Variants in NRXN1 observed in about 807,000 individuals in gnomAD.
The protein encoded by NRXN1 is neurexin 1, also known as neurexin-1.
NRXN1 carries 39 observed loss-of-function variants against 150.9 expected under a neutral mutation model. The ratio of observed to expected loss-of-function variants is 0.26; its 90% CI spans 0.20 to 0.34. NRXN1 has a LOEUF of 0.34. Among genes scored for constraint, NRXN1 ranks in the 10% least tolerant of loss-of-function variants. NRXN1 has a pLI of 1.00. For missense variants in NRXN1, 1,815 were observed against 1,949.9 expected (o/e 0.93, Z 1.30); for synonymous variants, 924 against 757.0 (o/e 1.22, Z -3.62).
chr2:50,589,161 T>C (rs1161964231), intron 8 of NRXN1: 2 of 152,468 alleles, frequency 1.3e-5, no homozygotes, highest in South Asian at 2.1e-4. Flanking sequence ...GTTAATAATA[T>C]AGTAATGCCA....
At chr2:50,040,452 A>C (rs907062697) in intron 21 of NRXN1, among the ~76,000 whole-genome samples, 6 of 152,054 alleles carry the variant, frequency 3.9e-5, no homozygotes, top group South Asian at 4.1e-4. Flanking sequence ...GCTAATCCTC[A>C]ATTTTCATAT....
In NRXN1 at chr2:50,223,479, C is replaced by T. The variant is rs144627590; in HGVS notation, c.3546+13310G>A. Among the ~76,000 whole-genome samples, 702 of 151,994 alleles carry T rather than the reference C, an allele frequency of 4.6e-3. 5 individuals are homozygous for T. The highest frequency in any genetic ancestry group is 7.5e-3 in the Non-Finnish European group (512 of 67,912). On this transcript the variant is annotated intron_variant, in intron 18 of 22. Coordinates refer to ENST00000401669, the MANE Select transcript of NRXN1 (RefSeq NM_001330078.2). ...CTTCCCACCTTATGAAATATCTTTG[C>T]AATACCTGTTTTTTAAAGATCAAAT...
chr2:50,182,952 A>G (rs1035989408), intron 18 of NRXN1, among the ~76,000 whole-genome samples: 9 of 152,028 alleles, frequency 5.9e-5, no homozygotes, highest in Admixed American at 5.9e-4. Context: ...TCTCACTAGA[A>G]GGCTGTTTAT....
chr2:50,461,141 T>C lies in NRXN1; in HGVS notation c.3364+4301A>G, dbSNP rs72878336. The stretch of plus-strand genomic sequence containing the variant: ...ACAAAGCTGAAGATATTTTTAAATG[T>C]CATGGTAAAAAGTCACAGGGAAGTG... On this transcript the variant is annotated intron_variant, in intron 17 of 22. Transcript: ENST00000401669. Among the ~76,000 whole-genome samples, 176 of 152,156 alleles carry C rather than the reference T, an allele frequency of 1.2e-3. 1 individual carries two copies. The highest frequency in any genetic ancestry group is 3.7e-3 in the African/African-American group (154 of 41,562).
intron 19 of NRXN1, among the ~76,000 whole-genome samples, chr2:50,062,166 T>G (rs561616955): frequency 6.6e-6 from 1 of 152,208 alleles, no homozygotes; most frequent in Non-Finnish European, 1.5e-5. Context: ...CCTATTTGTA[T>G]AGACTGAATG....
At chr2:50,571,244 C>A (rs1670618313) in intron 8 of NRXN1, among the ~76,000 whole-genome samples, 1 of 152,146 alleles carries the variant, frequency 6.6e-6, no homozygotes, top group Non-Finnish European at 1.5e-5. Flanking sequence ...ACCCTAATAG[C>A]TGATTGCTTC....
intron 8 of NRXN1, chr2:50,615,934 T>C (rs895906856): frequency 5.9e-5 from 9 of 152,164 alleles, no homozygotes. Flanking sequence ...AAAATGCAAA[T>C]AATATAAACA....
chr2:50,827,432 G>A (rs1433810028), intron 5 of NRXN1, among the ~76,000 whole-genome samples: 3 of 152,090 alleles, frequency 2.0e-5, no homozygotes, highest in African/African-American at 4.8e-5. Context: ...CTGACACTTA[G>A]TATCCCAAAT....
intron 17 of NRXN1, among the ~76,000 whole-genome samples, chr2:50,365,955 G>C (rs912956432): frequency 2.0e-5 from 3 of 152,130 alleles, no homozygotes; most frequent in Admixed American, 6.6e-5. Flanking sequence ...CTGCAGGTCT[G>C]TAGCCAAGTG....
chr2:50,202,426 A>C (rs1330662796), intron 18 of NRXN1, among the ~76,000 whole-genome samples: 5 of 152,176 alleles, frequency 3.3e-5, no homozygotes. Flanking sequence ...GAATTGCTTG[A>C]ACATGGGAGG....
At chr2:50,900,956 G>A (rs938999145) in intron 5 of NRXN1, among the ~76,000 whole-genome samples, 1 of 152,118 alleles carries the variant, frequency 6.6e-6, no homozygotes, top group African/African-American at 2.4e-5. Context: ...CATGCTGCCA[G>A]TGAAGGCCTT....
chr2:50,423,609 AT>A (rs1035110654), intron 17 of NRXN1, among the ~76,000 whole-genome samples: 1 of 152,154 alleles, frequency 6.6e-6, no homozygotes, highest in African/African-American at 2.4e-5. Context: ...AAAAATCTTT[AT>A]TGATCCCCTA....
At chr2:50,931,382 T>C (rs188164040) in intron 2 of NRXN1, among the ~76,000 whole-genome samples, 2 of 152,258 alleles carry the variant, frequency 1.3e-5, no homozygotes, top group Admixed American at 6.5e-5. Flanking sequence ...ATTAAAAATA[T>C]GACTAAACCA....
chr2:50,112,567 A>G (rs1448305191), intron 18 of NRXN1, among the ~76,000 whole-genome samples: 5 of 152,166 alleles, frequency 3.3e-5, no homozygotes, highest in Admixed American at 6.5e-5. Flanking sequence ...CCTTTGAAAT[A>G]CACTTTTAAA....
chr2:50,538,595 G>A lies in NRXN1; in HGVS notation c.1801C>T (p.Pro601Ser). 6.5e-7 allele frequency: 1 copy of A among 1,549,790 alleles called. No homozygotes were observed. The change falls in exon 10 of 23, where the codon CCT becomes TCT. Residue 601 changes from proline to serine, a missense_variant. By Grantham distance (74) the Pro-to-Ser change is moderately conservative (BLOSUM62 -1). This residue lies in a region of NRXN1 where 638 missense variants were observed against 652.6 expected (regional missense o/e 0.98). Transcript: ENST00000401669. ...VNTLRTPYTAPGESEILDLDD... is the reference protein window; with the variant it reads ...VNTLRTPYTASGESEILDLDD... ...AGGTCCAGAATCTCACTCTCACCAG[G>A]AGCAGTGTAGGGAGTACGCAACGTG...
chr2:50,922,386 G>C (rs1686173931), intron 4 of NRXN1: 1 of 560,272 alleles, frequency 1.8e-6, no homozygotes, highest in Non-Finnish European at 3.2e-6. Flanking sequence ...TAAGTATATA[G>C]AAACTTTCAA....
At chr2:50,795,370 T>C (rs1210478200) in intron 5 of NRXN1, among the ~76,000 whole-genome samples, 1 of 152,130 alleles carries the variant, frequency 6.6e-6, no homozygotes, top group Non-Finnish European at 1.5e-5. Context: ...AACCACTGTG[T>C]CAGCGGCATC....
intron 2 of NRXN1, chr2:51,026,319 C>T: frequency 1.7e-6 from 2 of 1,192,340 alleles, no homozygotes; most frequent in Non-Finnish European, 2.4e-6. Flanking sequence ...ACTTTAAATC[C>T]TGACATCTCC....
chr2:49,933,443 T>C (rs1670490026), intron 22 of NRXN1, among the ~76,000 whole-genome samples: 2 of 152,102 alleles, frequency 1.3e-5, no homozygotes, highest in Non-Finnish European at 2.9e-5. Flanking sequence ...ACATTCCTCT[T>C]CACCTGCTGC....
Sources: gnomAD v4.1 joint callset for allele counts (sites outside exome capture counted in the v4.1 genomes callset) on GRCh38, gnomAD v4.1.1 for gene constraint, gnomAD v4.1.1 regional missense constraint, MANE v1.5 for transcripts, NCBI Gene and HGNC (gene_info 2026-07-23, HGNC 2026-07-21) for gene names.